Variants in CREB5 observed in about 807,000 individuals in gnomAD.
CREB5 encodes cyclic AMP-responsive element-binding protein 5.
In CREB5, 19 loss-of-function variants were observed where a neutral mutation model predicts 57.1. The ratio of observed to expected loss-of-function variants is 0.33; its 90% CI spans 0.23 to 0.49. The LOEUF (loss-of-function observed/expected upper bound fraction) is 0.49. CREB5 is among the 20% of genes least tolerant of loss of function. CREB5 has a pLI of 0.99. For missense variants in CREB5, 579 were observed against 671.6 expected (o/e 0.86, Z 1.52); for synonymous variants, 238 against 238.3 (o/e 1.00, Z 0.01).
intron 4 of CREB5, among the ~76,000 whole-genome samples, chr7:28,558,751 C>G (rs988582132): frequency 3.3e-5 from 5 of 152,158 alleles, no homozygotes; most frequent in African/African-American, 1.2e-4. Context: ...TAGCAGCTTT[C>G]CAGAGAGTGC....
chr7:28,543,853 G>C (rs1336904159), intron 4 of CREB5, among the ~76,000 whole-genome samples: 1 of 151,528 alleles, frequency 6.6e-6, no homozygotes, highest in Non-Finnish European at 1.5e-5. Flanking sequence ...CTCTGGACCA[G>C]GTGCCTGGGG....
At chr7:28,472,687 TC>T (rs747932152) in intron 1 of CREB5, among the ~76,000 whole-genome samples, 15 of 152,118 alleles carry the variant, frequency 9.9e-5, no homozygotes, top group Non-Finnish European at 2.1e-4. Context: ...CCTTTAACCC[TC>T]CCAGGATCCC....
intron 7 of CREB5, among the ~76,000 whole-genome samples, chr7:28,737,279 A>C (rs1022476906): frequency 6.6e-5 from 10 of 151,830 alleles, no homozygotes; most frequent in African/African-American, 1.9e-4. Flanking sequence ...ATTAAGAATA[A>C]AATTTTTTGC....
At chr7:28,318,560 A>G (rs991635165) in intron 1 of CREB5, among the ~76,000 whole-genome samples, 4 of 152,232 alleles carry the variant, frequency 2.6e-5, no homozygotes, top group South Asian at 2.1e-4. Flanking sequence ...CTGATTCTCT[A>G]TAGAGCCTCC....
chr7:28,707,084 A>G (rs1490970406), intron 5 of CREB5, among the ~76,000 whole-genome samples: 6 of 152,240 alleles, frequency 3.9e-5, no homozygotes, highest in Non-Finnish European at 7.4e-5. Context: ...GGCTTCCCTG[A>G]GAAGAGGATG....
chr7:28,646,509 C>T (rs1583473664), intron 5 of CREB5, among the ~76,000 whole-genome samples: 1 of 152,196 alleles, frequency 6.6e-6, no homozygotes, highest in East Asian at 1.9e-4. Flanking sequence ...ACCATCTCTG[C>T]ACTGACTATG....
chr7:28,771,896 C>T (rs1426087215), intron 7 of CREB5, among the ~76,000 whole-genome samples: 1 of 152,148 alleles, frequency 6.6e-6, no homozygotes, highest in Non-Finnish European at 1.5e-5. Flanking sequence ...GCTCCATAAA[C>T]TCAGGGAGCA....
intron 5 of CREB5, among the ~76,000 whole-genome samples, chr7:28,623,153 A>T (rs1389100124): frequency 1.3e-5 from 2 of 152,116 alleles, no homozygotes; most frequent in African/African-American, 4.8e-5. Flanking sequence ...AAAGTGCTGG[A>T]ATTACAGGCA....
At chr7:28,794,889 T>G (rs1373940652) in intron 7 of CREB5, among the ~76,000 whole-genome samples, 2 of 152,210 alleles carry the variant, frequency 1.3e-5, no homozygotes, top group Non-Finnish European at 2.9e-5. Flanking sequence ...TATATAGGGA[T>G]GTTCGTCCCA....
rs1271651401 is a variant in CREB5 at position 28,641,752 on chromosome 7, G to A, written c.464+71215G>A. On this transcript the variant is annotated intron_variant, in intron 5 of 10. Transcript: ENST00000357727. ...CTCCATGAGAAGAGTTGTCACCTCC[G>A]CAATCTTATTCCAGATAAAATACCC... 5.3e-5 allele frequency among the ~76,000 whole-genome samples: 8 copies of A among 152,206 alleles called. No homozygotes were observed. In the East Asian group the frequency reaches 7.7e-4, roughly 15 times the overall value.
intron 6 of CREB5, among the ~76,000 whole-genome samples, chr7:28,722,700 T>G (rs999187490): frequency 6.6e-6 from 1 of 152,156 alleles, no homozygotes; most frequent in Non-Finnish European, 1.5e-5. Context: ...TGTACGGAAG[T>G]GCTTGGAAAT....
intron 1 of CREB5, among the ~76,000 whole-genome samples, chr7:28,454,459 ATG>A (rs1241268803): frequency 6.6e-6 from 1 of 152,134 alleles, no homozygotes; most frequent in East Asian, 1.9e-4. Flanking sequence ...CTGCCGTCCT[ATG>A]GCATTCCTCA....
chr7:28,407,649 A>T (rs1483250850), upstream of CREB5, among the ~76,000 whole-genome samples: 1 of 152,244 alleles, frequency 6.6e-6, no homozygotes, highest in South Asian at 2.1e-4. Context: ...TATTTCTACA[A>T]TAAGTAGAAA....
intron 5 of CREB5, among the ~76,000 whole-genome samples, chr7:28,676,863 T>C (rs534760046): frequency 6.6e-6 from 1 of 152,272 alleles, no homozygotes; most frequent in African/African-American, 2.4e-5. Context: ...CTGGAAATGT[T>C]GATAGTAAAC....
chr7:28,517,038 C>T (rs1273683546), intron 4 of CREB5, among the ~76,000 whole-genome samples: 3 of 152,052 alleles, frequency 2.0e-5, no homozygotes, highest in East Asian at 3.9e-4. Context: ...GAAAACAGAT[C>T]TGTTTTCTGG....
intron 4 of CREB5, among the ~76,000 whole-genome samples, chr7:28,522,907 C>T (rs1382525565): frequency 1.3e-5 from 2 of 152,170 alleles, no homozygotes; most frequent in South Asian, 2.1e-4. Flanking sequence ...CACCAAGATG[C>T]GTAATTCCAG....
intron 5 of CREB5, among the ~76,000 whole-genome samples, chr7:28,634,211 G>GC (rs1044152727): frequency 6.6e-6 from 1 of 152,080 alleles, no homozygotes; most frequent in African/African-American, 2.4e-5. Context: ...TCTGTAAACA[G>GC]CAACTGGCAT....
At chr7:28,760,190 G>C (rs142995710) in intron 7 of CREB5, among the ~76,000 whole-genome samples, 2 of 152,180 alleles carry the variant, frequency 1.3e-5, no homozygotes, top group Non-Finnish European at 1.5e-5. Flanking sequence ...CTCTGAGTCT[G>C]TATTTCCAGG....
chr7:28,707,713 A>G (rs1802187881), intron 5 of CREB5, among the ~76,000 whole-genome samples: 1 of 152,196 alleles, frequency 6.6e-6, no homozygotes, highest in African/African-American at 2.4e-5. Context: ...TTAGCCATTT[A>G]ATTGTTTTAC....
Sources: allele counts gnomAD v4.1 joint callset (sites outside exome capture counted in the v4.1 genomes callset), GRCh38; gene constraint gnomAD v4.1.1; transcripts MANE v1.5; gene names NCBI Gene and HGNC (gene_info 2026-07-23, HGNC 2026-07-21).